The following STK32B variants were observed in gnomAD, a reference collection of about 807,000 sequenced individuals.
The protein encoded by STK32B is serine/threonine-protein kinase 32B.
In STK32B, 43 loss-of-function variants were observed where a neutral mutation model predicts 52.6. That is an observed-to-expected ratio of 0.82 (90% CI 0.64 to 1.05). The LOEUF (loss-of-function observed/expected upper bound fraction) is 1.05, where lower values mean the gene tolerates loss of function less well. Among genes scored for constraint, STK32B ranks in the 50% least tolerant of loss-of-function variants. The pLI is 0.00. For synonymous variants in STK32B, 238 were observed against 204.3 expected, an observed-to-expected ratio of 1.17 and a Z score of -1.41; for missense variants, 621 against 534.6, an observed-to-expected ratio of 1.16 and a Z score of -1.59.
chr4:5,445,381 G>A (rs1162783215), intron 6 of STK32B, among the ~76,000 whole-genome samples: 13 of 152,062 alleles, frequency 8.5e-5, no homozygotes, highest in East Asian at 1.9e-4. Context: ...GGCAGATTTC[G>A]GCTGCTCTGA....
Position 5,141,584 on chromosome 4 carries a change from G to A in STK32B, c.108+1624G>A, listed in dbSNP as rs113649482. Among the ~76,000 whole-genome samples, 827 of 152,260 alleles carry A rather than the reference G, an allele frequency of 5.4e-3. 5 individuals are homozygous for A. Among genetic ancestry groups the A allele is most frequent in the African/African-American group, 0.018 (740 of 41,538 alleles). ...TAGAAGTTCATAGAAGTTCACTTTG[G>A]CTACCATGTGGAGAATAGCCTGGGA... On this transcript the variant is annotated intron_variant, in intron 2 of 11. Coordinates refer to ENST00000282908, the MANE Select transcript of STK32B (RefSeq NM_018401.3).
intron 3 of STK32B, among the ~76,000 whole-genome samples, chr4:5,191,944 C>T (rs1294214287): frequency 2.0e-5 from 3 of 152,188 alleles, no homozygotes; most frequent in East Asian, 3.9e-4. Flanking sequence ...AGGGGCATGG[C>T]ACATGCTCCC....
rs1205732219 is a variant in STK32B, at chr4:5,380,414, G to A, written c.435-17793G>A. Among the ~76,000 whole-genome samples, 1 of 152,162 alleles carries A rather than the reference G, an allele frequency of 6.6e-6. No individual in the cohort carries two copies. Among genetic ancestry groups the A allele is most frequent in the Non-Finnish European group, 1.5e-5 (1 of 68,036 alleles). ...TGAAATAGAAGAGCATTACTCTGAA[G>A]AGGTACAGGAATTTTCCTGATGCTA... On this transcript the variant is annotated intron_variant, in intron 4 of 11. Coordinates refer to ENST00000282908, the MANE Select transcript of STK32B (RefSeq NM_018401.3). The surrounding 1 kb of genome is among the most constrained non-coding windows in gnomAD (Gnocchi z 4.3).
intron 3 of STK32B, among the ~76,000 whole-genome samples, chr4:5,319,558 C>T: frequency 7.2e-6 from 1 of 138,496 alleles, no homozygotes; most frequent in South Asian, 2.2e-4. Flanking sequence ...CATCTTACCC[C>T]TCTCCAGCAC....
intron 5 of STK32B, among the ~76,000 whole-genome samples, chr4:5,407,603 GA>G (rs1737763587): frequency 6.6e-6 from 1 of 152,122 alleles, no homozygotes; most frequent in East Asian, 1.9e-4. Flanking sequence ...AATCATGGCG[GA>G]AGGTGAAGGG....
intron 2 of STK32B, 37 bp downstream of exon 2, chr4:5,139,997 A>ATG (rs748771548): frequency 3.7e-6 from 6 of 1,612,144 alleles, no homozygotes; most frequent in Non-Finnish European, 5.1e-6. Flanking sequence ...GGGCTTAAGT[A>ATG]TGTGTGTATA....
At chr4:5,383,322 T>A (rs892035638) in intron 4 of STK32B, among the ~76,000 whole-genome samples, 1 of 152,202 alleles carries the variant, frequency 6.6e-6, no homozygotes, top group East Asian at 1.9e-4. Context: ...TGGCTCCTGG[T>A]TCCACCTACC....
chr4:5,446,573 A>G (rs1715447656), intron 6 of STK32B, 100 bp from the exon 7 acceptor site: 1 of 1,107,622 alleles, frequency 9.0e-7, no homozygotes, highest in Non-Finnish European at 1.3e-6. Flanking sequence ...AAACAAAAAA[A>G]AAAAAAACAA....
intron 1 of STK32B, among the ~76,000 whole-genome samples, chr4:5,073,855 GTTC>G (rs1159271475): frequency 1.3e-5 from 2 of 151,666 alleles, no homozygotes; most frequent in East Asian, 3.9e-4. Flanking sequence ...TCAAACAGTT[GTTC>G]TTCTGTAGGT....
intron 4 of STK32B, among the ~76,000 whole-genome samples, chr4:5,357,524 G>C (rs548550635): frequency 6.6e-6 from 1 of 151,746 alleles, no homozygotes; most frequent in African/African-American, 2.4e-5. Context: ...ATTGGGTTTT[G>C]CATTTTGAGG....
At position 5,306,272 on chromosome 4, in the gene STK32B, T is replaced by C. The variant is rs146395987; in HGVS notation, c.261-24948T>C. Reference sequence around the variant, plus strand: ...ATTGTTTCTTTGTGGACTTTCTGTCTTGATGACCTTTCTAGTGCTGTCCGT... The same window carrying C: ...ATTGTTTCTTTGTGGACTTTCTGTCCTGATGACCTTTCTAGTGCTGTCCGT... On this transcript the variant is annotated intron_variant, in intron 3 of 11. Coordinates refer to ENST00000282908, the MANE Select transcript of STK32B (RefSeq NM_018401.3). 4.4e-3 allele frequency among the ~76,000 whole-genome samples: 676 copies of C among 152,276 alleles called. 6 individuals carry two copies. Among genetic ancestry groups the C allele is most frequent in the African/African-American group, 0.015 (617 of 41,580 alleles).
Position 5,395,636 on chromosome 4 carries a change from G to A in STK32B, c.435-2571G>A, listed in dbSNP as rs906154736. Among the ~76,000 whole-genome samples, 19 of 152,284 alleles carry A rather than the reference G, an allele frequency of 1.2e-4. No homozygotes were observed. The highest frequency in any genetic ancestry group is 4.1e-4 in the African/African-American group (17 of 41,546). On this transcript the variant is annotated intron_variant, in intron 4 of 11. Coordinates refer to ENST00000282908, the MANE Select transcript of STK32B (RefSeq NM_018401.3). This position sits in a 1 kb window ranked among gnomAD's most constrained non-coding sequence, Gnocchi z 4.4. ...GTTGGGTCTGTCTTGTTCACGACGTGTCCTTCATGACCGCAAAGGGGACAC... is the reference window on the plus strand; with the variant it reads ...GTTGGGTCTGTCTTGTTCACGACGTATCCTTCATGACCGCAAAGGGGACAC...
Position 5,280,854 on chromosome 4 carries a change from G to T in STK32B, c.261-50366G>T, listed in dbSNP as rs142586399. Among the ~76,000 whole-genome samples the T allele has an allele frequency of 4.6e-5, 7 of 152,196 alleles. No individual in the cohort carries two copies. The South Asian group carries it at 1.5e-3, about 32-fold the overall frequency. ...GCAGAGGTTGCAGTGAGCCGACATC[G>T]TACCACTGCACTCCAGCCTGGGAGA... On this transcript the variant is annotated intron_variant, in intron 3 of 11. Coordinates refer to ENST00000282908, the MANE Select transcript of STK32B (RefSeq NM_018401.3).
chr4:5,214,675 A>T (rs1167993681), intron 3 of STK32B, among the ~76,000 whole-genome samples: 7 of 152,208 alleles, frequency 4.6e-5, no homozygotes, highest in African/African-American at 1.7e-4. Flanking sequence ...ATCACTCATG[A>T]TCTCATAATC....
chr4:5,046,303 G>C, the STK32B span, among the ~76,000 whole-genome samples: 1 of 152,172 alleles, frequency 6.6e-6, no homozygotes, highest in South Asian at 2.1e-4. Context: ...TGGGAAAAGT[G>C]GCTAGCTATA....
chr4:5,168,599 C>T (rs892792355), intron 3 of STK32B, 149 bp downstream of exon 3: 3 of 947,840 alleles, frequency 3.2e-6, no homozygotes, highest in Non-Finnish European at 4.6e-6. Flanking sequence ...TTGTAGAGTA[C>T]ATTTTCTGAT....
chr4:5,159,188 A>G (rs2108719609), intron 2 of STK32B, among the ~76,000 whole-genome samples: 1 of 152,212 alleles, frequency 6.6e-6, no homozygotes, highest in East Asian at 1.9e-4. Flanking sequence ...TGTGCTTACC[A>G]AGGGGGTGCC....
chr4:5,459,282 G>GCCCCCCCCCCC (rs55688341), intron 8 of STK32B, among the ~76,000 whole-genome samples: 6 of 133,044 alleles, frequency 4.5e-5, no homozygotes, highest in African/African-American at 8.6e-5. Flanking sequence ...ACCCTGGTGT[G>GCCCCCCCCCCC]CCCCCCCCCC....
intron 1 of STK32B, among the ~76,000 whole-genome samples, chr4:5,099,537 TAGGGGA>T (rs1486389187): frequency 6.6e-6 from 1 of 151,838 alleles, no homozygotes; most frequent in African/African-American, 2.4e-5. Context: ...GCCCAGGAGT[TAGGGGA>T]AGGTCATGGA....
Sources: gnomAD v4.1 joint callset for allele counts (sites outside exome capture counted in the v4.1 genomes callset) on GRCh38, gnomAD v4.1.1 for gene constraint, Gnocchi (gnomAD v3.1) non-coding constraint, MANE v1.5 for transcripts, NCBI Gene and HGNC (gene_info 2026-07-23, HGNC 2026-07-21) for gene names.